FDFT1: variants seen among roughly 807,000 people sequenced by gnomAD.
The protein encoded by FDFT1 is squalene synthase.
FDFT1 carries 68 observed loss-of-function variants against 46.8 expected under a neutral mutation model. That is an observed-to-expected ratio of 1.45 (90% CI 1.19 to 1.78). FDFT1 has a LOEUF of 1.78. Among genes scored for constraint, FDFT1 ranks in the 40% most tolerant of loss-of-function variants. FDFT1 has a pLI of 0.00. For missense variants in FDFT1, 928 were observed against 524.4 expected, an observed-to-expected ratio of 1.77 and a Z score of -7.52; for synonymous variants, 351 against 185.1, an observed-to-expected ratio of 1.90 and a Z score of -7.28.
At chr8:11,813,552 C>T (rs1808022938) in intron 3 of FDFT1, among the ~76,000 whole-genome samples, 1 of 152,172 alleles carries the variant, frequency 6.6e-6, no homozygotes, top group Non-Finnish European at 1.5e-5. Context: ...GTGACAGAAT[C>T]AATGAATCTG....
rs1810821807 is a variant in FDFT1 at position 11,831,669 on chromosome 8, A to G, written c.1031A>G (p.Glu344Gly). The change falls in exon 7 of 8, where the codon GAG becomes GGG. Residue 344 changes from glutamate (E) to glycine (G), a missense_variant and splice_region_variant. Physicochemically the swap from Glu to Gly is moderately conservative, Grantham distance 98. Coordinates refer to ENST00000220584, the MANE Select transcript of FDFT1 (RefSeq NM_004462.5). ...VKAIIYQYME[E>G]IYHRIPDSDP... ...GCCATCATATATCAGTATATGGAAG[A>G]GGTGGGTTTTTATTTAACTACTTGG... is the stretch of plus-strand genomic sequence containing the variant. 6.2e-7 allele frequency: 1 copy of G among 1,611,510 alleles called. No homozygotes were observed. Among genetic ancestry groups the G allele is most frequent in the African/African-American group, 1.3e-5 (1 of 74,848 alleles).
chr8:11,797,814 A>C (rs1473561555), upstream of FDFT1: 1 of 152,184 alleles, frequency 6.6e-6, no homozygotes, highest in Non-Finnish European at 1.5e-5. Flanking sequence ...CAGGCAGGTG[A>C]ATTGCTTGGG....
At chr8:11,828,242 C>G (rs566936176) in intron 5 of FDFT1, among the ~76,000 whole-genome samples, 74 of 152,232 alleles carry the variant, frequency 4.9e-4, no homozygotes, top group African/African-American at 1.8e-3. Context: ...GAACCATGAT[C>G]GCACCACTGC....
upstream of FDFT1, among the ~76,000 whole-genome samples, chr8:11,799,943 T>TAA (rs57010317): frequency 0.25 from 32,169 of 130,674 alleles, 3,949 homozygotes; most frequent in Admixed American, 0.3. Flanking sequence ...AGACTCCATT[T>TAA]AAAAAAAAAA....
At chr8:11,829,839 TTTTTG>T (rs1484665434) in intron 5 of FDFT1, among the ~76,000 whole-genome samples, 3 of 152,032 alleles carry the variant, frequency 2.0e-5, no homozygotes, top group East Asian at 1.9e-4. Flanking sequence ...ATAGTGTTTT[TTTTTG>T]TTTTGTTTTG....
intron 7 of FDFT1, 104 bp from the exon 8 acceptor site, chr8:11,838,284 T>C: frequency 1.2e-6 from 1 of 848,460 alleles, no homozygotes; most frequent in Non-Finnish European, 2.0e-6. Flanking sequence ...CTTTCCTCAT[T>C]GGTAAAATGG....
intron 3 of FDFT1, among the ~76,000 whole-genome samples, chr8:11,819,685 T>C (rs984081634): frequency 1.3e-5 from 2 of 152,098 alleles, no homozygotes; most frequent in African/African-American, 4.8e-5. Context: ...ACTTTGGTTT[T>C]CAGCTCCATC....
At chr8:11,809,113 G>GA in intron 2 of FDFT1, 1 of 1,295,582 alleles carries the variant, frequency 7.7e-7, no homozygotes, top group South Asian at 2.0e-5. Context: ...GAAGAGGGGG[G>GA]AGGGGGTGAT....
chr8:11,821,332 C>G (rs866671364), intron 3 of FDFT1, among the ~76,000 whole-genome samples: 2 of 152,168 alleles, frequency 1.3e-5, no homozygotes, highest in Admixed American at 6.5e-5. Context: ...GTGGCTTATG[C>G]CTGTAATCCC....
chr8:11,818,984 C>T (rs183334425), intron 3 of FDFT1, among the ~76,000 whole-genome samples: 1 of 152,312 alleles, frequency 6.6e-6, no homozygotes, highest in East Asian at 1.9e-4. Flanking sequence ...TTTGCAGTGG[C>T]TGGTACCAGT....
At chr8:11,804,906 G>GT (rs1806627303) in intron 1 of FDFT1, among the ~76,000 whole-genome samples, 1 of 128,984 alleles carries the variant, frequency 7.8e-6, no homozygotes. Context: ...ACTGCACCCG[G>GT]CCTTTTTTTT....
upstream of FDFT1, among the ~76,000 whole-genome samples, chr8:11,800,196 G>C (rs1156433981): frequency 1.5e-5 from 2 of 137,478 alleles, no homozygotes; most frequent in African/African-American, 5.4e-5. Context: ...AGAAGGCAGA[G>C]GTGGCAGTGA....
chr8:11,829,470 C>T (rs1810473354), intron 5 of FDFT1, among the ~76,000 whole-genome samples: 1 of 152,206 alleles, frequency 6.6e-6, no homozygotes, highest in African/African-American at 2.4e-5. Context: ...CCCAGCTATG[C>T]CTTTCAGCAG....
In FDFT1 at chr8:11,802,922, G is replaced by C. The variant is rs1463991829; in HGVS notation, c.90G>C (p.Lys30Asn). ...RIGGKRKVMP[K>N]MDQDSLSSSL... ...GGGGCAAGCGGAAGGTGATGCCCAA[G>C]ATGGACCAGGTGGGCCGAGCCTCCC... Residue 30 changes from lysine (K) to asparagine (N), a missense_variant, in exon 1 of 8, where the codon AAG (lysine) becomes AAC (asparagine). Transcript: ENST00000220584. The C allele has an allele frequency of 3.7e-6, 6 of 1,608,192 alleles. No homozygotes were observed. Among genetic ancestry groups the C allele is most frequent in the Non-Finnish European group, 4.2e-6 (5 of 1,177,370 alleles).
At chr8:11,814,370 G>T (rs939851682) in intron 3 of FDFT1, among the ~76,000 whole-genome samples, 2 of 146,982 alleles carry the variant, frequency 1.4e-5, no homozygotes, top group Non-Finnish European at 3.0e-5. Flanking sequence ...CCTAAATTAT[G>T]TGTATTCCTG....
intron 1 of FDFT1, chr8:11,803,792 A>G (rs568032894): frequency 6.0e-6 from 1 of 167,120 alleles, no homozygotes; most frequent in South Asian, 1.3e-4. Context: ...CATGTGCTTC[A>G]GTAAACACAC....
At chr8:11,832,249 A>G (rs116434676) in intron 7 of FDFT1, among the ~76,000 whole-genome samples, 26,033 of 152,002 alleles carry the variant, frequency 0.17, 2,519 homozygotes, top group African/African-American at 0.26. Flanking sequence ...CTAATATTTG[A>G]CTAGGTTCAA....
In FDFT1 at chr8:11,830,439, C is replaced by T. The variant is rs749987862; in HGVS notation, c.879+19C>T. 3.8e-6 allele frequency: 6 copies of T among 1,586,118 alleles called. No homozygotes were observed. Among genetic ancestry groups the T allele is most frequent in the African/African-American group, 1.3e-5 (1 of 74,388 alleles). On this transcript the variant is annotated intron_variant, in intron 6 of 7. Coordinates refer to ENST00000220584, the MANE Select transcript of FDFT1 (RefSeq NM_004462.5). ...TCCACAGGTAGGGAAGGGGGCTCCT[C>T]TGGGTGGATACGGGGCTAAAGGGAG...
upstream of FDFT1, among the ~76,000 whole-genome samples, chr8:11,800,110 A>G (rs1305373071): frequency 6.7e-6 from 1 of 150,106 alleles, no homozygotes; most frequent in Non-Finnish European, 1.5e-5. Flanking sequence ...AAATCGAAAA[A>G]TTACCCAGGC....
Sources: gnomAD v4.1 joint callset for allele counts (sites outside exome capture counted in the v4.1 genomes callset) on GRCh38, gnomAD v4.1.1 for gene constraint, MANE v1.5 for transcripts, NCBI Gene and HGNC (gene_info 2026-07-23, HGNC 2026-07-21) for gene names.